SDK1: variants seen among roughly 807,000 people sequenced by gnomAD.
SDK1 encodes the protein protein sidekick-1.
SDK1 carries 157 observed loss-of-function variants against 245.5 expected under a neutral mutation model. The observed-to-expected ratio is 0.64, with a 90% CI of 0.56 to 0.73. The LOEUF (loss-of-function observed/expected upper bound fraction) is 0.73, where lower values mean the gene tolerates loss of function less well. Ranked by LOEUF, SDK1 falls within the 30% of genes least tolerant of loss-of-function variation. The pLI, the probability that SDK1 is intolerant of heterozygous loss-of-function variation, is 0.00. For synonymous variants in SDK1, 1,647 were observed against 1,278.5 expected (o/e 1.29, Z -6.15); for missense variants, 3,583 against 3,002.3 (o/e 1.19, Z -4.52).
intron 4 of SDK1, among the ~76,000 whole-genome samples, chr7:3,669,548 T>C (rs1166281741): frequency 1.3e-5 from 2 of 152,180 alleles, no homozygotes; most frequent in African/African-American, 4.8e-5. Flanking sequence ...CCTGCTCATT[T>C]TTTCTGGCTC....
intron 25 of SDK1, among the ~76,000 whole-genome samples, chr7:4,117,365 G>A (rs949694606): frequency 6.6e-6 from 1 of 152,196 alleles, no homozygotes; most frequent in Non-Finnish European, 1.5e-5. Context: ...CTCCTTGGGA[G>A]GCTGAGGCAG....
At chr7:3,969,603 G>C (rs1428857370) in intron 11 of SDK1, among the ~76,000 whole-genome samples, 179 bp downstream of exon 11, 1 of 152,132 alleles carries the variant, frequency 6.6e-6, no homozygotes, top group Non-Finnish European at 1.5e-5. Flanking sequence ...ATGTCTAAAA[G>C]AATACCTAGA....
At chr7:3,846,829 G>C (rs1406004887) in intron 5 of SDK1, among the ~76,000 whole-genome samples, 1 of 152,008 alleles carries the variant, frequency 6.6e-6, no homozygotes, top group Non-Finnish European at 1.5e-5. Flanking sequence ...AGGGGCAGCA[G>C]CAGCCCTCTC....
At chr7:4,160,435 A>G (rs891813535) in intron 31 of SDK1, among the ~76,000 whole-genome samples, 36 of 152,104 alleles carry the variant, frequency 2.4e-4, no homozygotes, top group African/African-American at 8.7e-4. Flanking sequence ...TGATATTCAG[A>G]TTGGGCTTTG....
chr7:4,196,127 G>A (rs1783562757), intron 35 of SDK1, among the ~76,000 whole-genome samples: 2 of 152,190 alleles, frequency 1.3e-5, no homozygotes, highest in Non-Finnish European at 2.9e-5. Context: ...GGCAGATTCA[G>A]GTTTGAATCT....
intron 1 of SDK1, among the ~76,000 whole-genome samples, chr7:3,449,028 A>C (rs1001385237): frequency 2.0e-5 from 3 of 152,202 alleles, no homozygotes; most frequent in African/African-American, 7.2e-5. Context: ...TCTTCTGTAA[A>C]AGCAATAACA....
rs148553250 is a variant in SDK1, at chr7:3,508,773, C to G, written c.299-110307C>G. ...GCCTTGTAGTGCATTGGCATTGCCC[C>G]AAACCTGTTTATTTCCCTCACTAGG... is the stretch of plus-strand genomic sequence containing the variant. On this transcript the variant is annotated intron_variant, in intron 1 of 44. Coordinates refer to ENST00000404826, the MANE Select transcript of SDK1 (RefSeq NM_152744.4). Among the ~76,000 whole-genome samples, 97 of 152,286 alleles carry G rather than the reference C, an allele frequency of 6.4e-4. 1 individual carries two copies. Among genetic ancestry groups the G allele is most frequent in the African/African-American group, 2.2e-3 (93 of 41,572 alleles).
At chr7:4,258,397 G>A (rs2128242756) in intron 44 of SDK1, among the ~76,000 whole-genome samples, 1 of 152,198 alleles carries the variant, frequency 6.6e-6, no homozygotes, top group South Asian at 2.1e-4. Flanking sequence ...TCACCGAGTG[G>A]GTGCAAGACA....
At chr7:3,675,334 T>C (rs1228343973) in intron 4 of SDK1, among the ~76,000 whole-genome samples, 1 of 152,236 alleles carries the variant, frequency 6.6e-6, no homozygotes, top group Non-Finnish European at 1.5e-5. Context: ...CGTCTACAGC[T>C]GGAATTATTA....
chr7:3,952,286 C>T (rs573158632), intron 7 of SDK1, among the ~76,000 whole-genome samples: 2 of 152,266 alleles, frequency 1.3e-5, no homozygotes, highest in South Asian at 4.1e-4. Context: ...AGAAACTATT[C>T]TATTATTGCT....
chr7:3,530,549 G>C (rs1308978791), intron 1 of SDK1, among the ~76,000 whole-genome samples: 2 of 152,078 alleles, frequency 1.3e-5, no homozygotes, highest in Non-Finnish European at 2.9e-5. Context: ...CTTTGTAAAA[G>C]AAAAATATAT....
chr7:3,624,800 C>G (rs997839685), intron 2 of SDK1, among the ~76,000 whole-genome samples: 12 of 151,956 alleles, frequency 7.9e-5, no homozygotes, highest in African/African-American at 2.4e-4. Context: ...AATCCCAGCA[C>G]TTTGGGAGGC....
At chr7:3,909,653 A>T (rs2128108237) in intron 5 of SDK1, among the ~76,000 whole-genome samples, 1 of 152,332 alleles carries the variant, frequency 6.6e-6, no homozygotes, top group African/African-American at 2.4e-5. Context: ...CTCCAGTATG[A>T]GGCTGTATTA....
chr7:4,204,011 A>T (rs2128226550), intron 35 of SDK1, among the ~76,000 whole-genome samples: 1 of 151,920 alleles, frequency 6.6e-6, no homozygotes, highest in Middle Eastern at 3.4e-3. Context: ...GCGCTCACAG[A>T]CCCACCAGTT....
intron 2 of SDK1, among the ~76,000 whole-genome samples, chr7:3,627,522 G>A (rs1270485949): frequency 6.6e-6 from 1 of 152,180 alleles, no homozygotes. Flanking sequence ...ATGTTTCCGT[G>A]GTAGAAAGGT....
At chr7:3,304,445 T>C (rs1464253118) in intron 1 of SDK1, among the ~76,000 whole-genome samples, 3 of 152,160 alleles carry the variant, frequency 2.0e-5, no homozygotes, top group African/African-American at 7.2e-5. Context: ...GCTGGACTCT[T>C]TACAGGCTTA....
chr7:3,883,369 C>T (rs73294610), intron 5 of SDK1, among the ~76,000 whole-genome samples: 7 of 152,322 alleles, frequency 4.6e-5, no homozygotes, highest in Admixed American at 2.0e-4. Flanking sequence ...AAGCGAGGAA[C>T]GTGCCTGAAC....
chr7:4,019,798 C>T lies in SDK1; in HGVS notation c.2602+2446C>T, dbSNP rs187321387. On this transcript the variant is annotated intron_variant, in intron 17 of 44. Transcript: ENST00000404826. ...CAGACACAGTCGTAATTCCTGTCTT[C>T]GTGTCTTCTTCATGTCTTCTGCCTC... is the stretch of plus-strand genomic sequence containing the variant. Among the ~76,000 whole-genome samples the T allele has an allele frequency of 4.1e-3, 622 of 152,190 alleles. 13 individuals carry two copies. Among genetic ancestry groups the T allele is most frequent in the Admixed American group, 0.036 (555 of 15,294 alleles).
rs368849339 is a variant in SDK1 at position 4,079,541 on chromosome 7, A to G, written c.3281A>G (p.Tyr1094Cys). 4.3e-6 allele frequency: 7 copies of G among 1,614,232 alleles called. No homozygotes were observed. The highest frequency in any genetic ancestry group is 1.1e-5 in the South Asian group (1 of 91,084). The part of the protein sequence containing the change: ...RSATLQFRPG[Y>C]DGKTSISRWI... Reference sequence around the variant, plus strand: ...GCCACCCTTCAGTTCCGGCCAGGCTATGACGGGAAAACGTCCATCTCCAGG... The same window carrying G: ...GCCACCCTTCAGTTCCGGCCAGGCTGTGACGGGAAAACGTCCATCTCCAGG... The change falls in exon 22 of 45, where the codon TAT becomes TGT. Residue 1094 changes from tyrosine to cysteine, a missense_variant. Coordinates refer to ENST00000404826, the MANE Select transcript of SDK1 (RefSeq NM_152744.4).
Sources: allele counts gnomAD v4.1 joint callset (sites outside exome capture counted in the v4.1 genomes callset), GRCh38; gene constraint gnomAD v4.1.1; transcripts MANE v1.5; gene names NCBI Gene and HGNC (gene_info 2026-07-23, HGNC 2026-07-21).